The following ZNF385D variants were observed in gnomAD, a reference collection of about 807,000 sequenced individuals.
The protein encoded by ZNF385D is zinc finger protein 385D, also known as zinc finger protein 659.
Under a neutral mutation model 35.8 loss-of-function variants are expected in ZNF385D, and 15 were observed. That is an observed-to-expected ratio of 0.42 (90% CI 0.28 to 0.64). The LOEUF (loss-of-function observed/expected upper bound fraction) is 0.64. ZNF385D is among the 30% of genes least tolerant of loss of function. ZNF385D has a pLI of 0.23. For missense variants in ZNF385D, 474 were observed against 494.6 expected (o/e 0.96, Z 0.39); for synonymous variants, 212 against 186.8 (o/e 1.13, Z -1.10).
intron 4 of ZNF385D, among the ~76,000 whole-genome samples, chr3:21,473,866 A>G (rs1226362794): frequency 3.9e-5 from 6 of 152,056 alleles, no homozygotes; most frequent in Non-Finnish European, 5.9e-5. Context: ...ATTTTCTTCT[A>G]TTAAACCATC....
intron 3 of ZNF385D, among the ~76,000 whole-genome samples, chr3:22,157,849 T>G (rs1202407106): frequency 6.6e-6 from 1 of 152,178 alleles, no homozygotes; most frequent in Non-Finnish European, 1.5e-5. Flanking sequence ...ATACAAGTAG[T>G]TGTAAACAGA....
rs567538926 is a variant in ZNF385D, at chr3:21,902,267, A to C, written c.326-237239T>G. Among the ~76,000 whole-genome samples, 8 of 152,220 alleles carry C rather than the reference A, an allele frequency of 5.3e-5. 1 individual carries two copies. Among genetic ancestry groups the C allele is most frequent in the South Asian group, 2.1e-4 (1 of 4,834 alleles). On this transcript the variant is annotated intron_variant, in intron 3 of 5. Transcript: ENST00000494108. Reference sequence around the variant, plus strand: ...TCAAGGGCTCATAAAGGCCTCAAACAGTAAAAATAGGTCTTCTAGTCCATG... The same window carrying C: ...TCAAGGGCTCATAAAGGCCTCAAACCGTAAAAATAGGTCTTCTAGTCCATG...
Position 22,275,985 on chromosome 3 carries a change from T to A in ZNF385D, c.106+96465A>T, listed in dbSNP as rs558664478. ...CTGTAATCCCAGCTACTCAGGAGGCTGAGGCACAAAAATCACTTGAACCCA... is the reference window on the plus strand; with the variant it reads ...CTGTAATCCCAGCTACTCAGGAGGCAGAGGCACAAAAATCACTTGAACCCA... On this transcript the variant is annotated intron_variant, in intron 2 of 5. Transcript: ENST00000494108. Among the ~76,000 whole-genome samples the A allele has an allele frequency of 9.2e-5, 14 of 152,202 alleles. No individual in the cohort carries two copies. In the South Asian group the frequency reaches 1.5e-3, roughly 16 times the overall value.
intron 1 of ZNF385D, among the ~76,000 whole-genome samples, chr3:21,740,206 T>TA (rs1427101043): frequency 6.6e-6 from 1 of 152,160 alleles, no homozygotes; most frequent in Admixed American, 6.5e-5. Flanking sequence ...ATAAGTATAC[T>TA]AAGGTTGGAA....
chr3:22,225,467 A>G (rs2125287577), intron 2 of ZNF385D, among the ~76,000 whole-genome samples: 1 of 152,284 alleles, frequency 6.6e-6, no homozygotes, highest in South Asian at 2.1e-4. Flanking sequence ...GCAGCTTTCA[A>G]CCAATGGCTG....
intron 3 of ZNF385D, among the ~76,000 whole-genome samples, chr3:22,141,960 C>T (rs1233054735): frequency 3.3e-5 from 5 of 152,162 alleles, no homozygotes; most frequent in Non-Finnish European, 7.4e-5. Flanking sequence ...ACTGACATTG[C>T]ATTTCAACAT....
intron 3 of ZNF385D, among the ~76,000 whole-genome samples, chr3:21,560,364 G>A (rs1559405734): frequency 6.6e-6 from 1 of 152,126 alleles, no homozygotes; most frequent in Non-Finnish European, 1.5e-5. Flanking sequence ...CCTTTTTGTT[G>A]ATGTTGATGT....
chr3:21,532,772 G>C (rs183040980), intron 3 of ZNF385D, among the ~76,000 whole-genome samples: 2 of 151,332 alleles, frequency 1.3e-5, no homozygotes, highest in Non-Finnish European at 2.9e-5. Flanking sequence ...AGCATATATA[G>C]AGTTCATTCA....
At chr3:22,271,793 T>A (rs941981541) in intron 2 of ZNF385D, among the ~76,000 whole-genome samples, 9 of 152,022 alleles carry the variant, frequency 5.9e-5, no homozygotes, top group African/African-American at 2.2e-4. Flanking sequence ...AGCCTTTTTA[T>A]AAGTTCTTAG....
At chr3:22,082,787 G>C (rs1229784302) in intron 3 of ZNF385D, among the ~76,000 whole-genome samples, 1 of 152,206 alleles carries the variant, frequency 6.6e-6, no homozygotes, top group Non-Finnish European at 1.5e-5. Context: ...CTAACTGGGA[G>C]ACACCTCCCA....
At chr3:22,160,266 G>T (rs1479105000) in intron 3 of ZNF385D, among the ~76,000 whole-genome samples, 1 of 152,058 alleles carries the variant, frequency 6.6e-6, no homozygotes, top group Non-Finnish European at 1.5e-5. Context: ...CATTAAGAAA[G>T]AAGTTACCAT....
intron 2 of ZNF385D, among the ~76,000 whole-genome samples, chr3:22,345,921 C>T (rs554769939): frequency 8.5e-5 from 13 of 152,324 alleles, no homozygotes; most frequent in Admixed American, 7.8e-4. Flanking sequence ...AGTTCTAGTG[C>T]TCCCATGGCT....
At chr3:21,974,844 A>G (rs1350494609) in intron 3 of ZNF385D, among the ~76,000 whole-genome samples, 1 of 152,214 alleles carries the variant, frequency 6.6e-6, no homozygotes, top group Non-Finnish European at 1.5e-5. Context: ...TCATCAGAGA[A>G]ATGCAAATCC....
intron 3 of ZNF385D, among the ~76,000 whole-genome samples, chr3:21,519,951 T>C (rs532773812): frequency 6.6e-6 from 1 of 152,310 alleles, no homozygotes; most frequent in South Asian, 2.1e-4. Context: ...AAAAACTTGT[T>C]TTATATCCTG....
Position 21,414,841 on chromosome 3 carries a change from C to A in ZNF385D, c.*6373G>T, listed in dbSNP as rs749351441. On this transcript the variant is annotated 3_prime_UTR_variant, in exon 8 of 8. Transcript: ENST00000281523. ...CCAGATGCCATAAAATGGAATTTTT[C>A]TTGACTATTTGATAAAAGTTAAACT... 3.9e-5 allele frequency: 6 copies of A among 152,074 alleles called. No individual in the cohort carries two copies. Among genetic ancestry groups the A allele is most frequent in the Non-Finnish European group, 8.8e-5 (6 of 67,970 alleles). The allele number at this position is 152,074 out of a possible 1,614,324, so 9.4% of individuals were successfully genotyped here.
chr3:22,057,658 C>T lies in ZNF385D; in HGVS notation c.325+111159G>A, dbSNP rs557584951. Among the ~76,000 whole-genome samples, 16 of 151,914 alleles carry T rather than the reference C, an allele frequency of 1.1e-4. No homozygotes were observed. The Middle Eastern group carries it at 0.01, about 98-fold the overall frequency. On this transcript the variant is annotated intron_variant, in intron 3 of 5. Coordinates refer to the ZNF385D transcript ENST00000494108. ...CCGAGTAGCTGGAACGACAGGCAGG[C>T]GCACACCACCACATCCGGCTAATTT...
intron 3 of ZNF385D, among the ~76,000 whole-genome samples, chr3:21,833,259 T>A (rs1695115971): frequency 1.3e-5 from 2 of 152,184 alleles, no homozygotes; most frequent in African/African-American, 4.8e-5. Context: ...TATGTATACA[T>A]CAGAGTCTCT....
At chr3:21,613,816 T>C (rs1199978147) in intron 2 of ZNF385D, among the ~76,000 whole-genome samples, 7 of 152,218 alleles carry the variant, frequency 4.6e-5, no homozygotes, top group Non-Finnish European at 8.8e-5. Flanking sequence ...ATGCACATCA[T>C]ATCCACGTTT....
At chr3:21,809,648 A>G (rs2072816280) in intron 3 of ZNF385D, among the ~76,000 whole-genome samples, 1 of 143,298 alleles carries the variant, frequency 7.0e-6, no homozygotes, top group Admixed American at 7.0e-5. Flanking sequence ...ACATATACAT[A>G]TACATATACA....
Sources: allele counts gnomAD v4.1 joint callset (sites outside exome capture counted in the v4.1 genomes callset), GRCh38; gene constraint gnomAD v4.1.1; transcripts MANE v1.5; gene names NCBI Gene and HGNC (gene_info 2026-07-23, HGNC 2026-07-21).